Variants in TCF4 observed in about 807,000 individuals in gnomAD.
TCF4 encodes transcription factor 4.
TCF4 carries 3 observed loss-of-function variants against 82.1 expected under a neutral mutation model. The observed-to-expected ratio is 0.04, with a 90% CI of 0.02 to 0.09. The LOEUF (loss-of-function observed/expected upper bound fraction) is 0.09, where lower values mean the gene tolerates loss of function less well. Ranked by LOEUF, TCF4 falls within the 10% of genes least tolerant of loss-of-function variation. TCF4 has a pLI of 1.00. For synonymous variants in TCF4, 276 were observed against 309.6 expected (o/e 0.89, Z 1.14); for missense variants, 518 against 852.7 (o/e 0.61, Z 4.89).
At chr18:55,238,392 T>C (rs113809423) in intron 15 of TCF4, among the ~76,000 whole-genome samples, 1 of 152,214 alleles carries the variant, frequency 6.6e-6, no homozygotes, top group African/African-American at 2.4e-5. Context: ...AGAGAATGCA[T>C]TTACTAATTT....
chr18:55,391,953 A>ATATTTTT, intron 6 of TCF4, among the ~76,000 whole-genome samples: 2 of 107,006 alleles, frequency 1.9e-5, no homozygotes, highest in African/African-American at 8.1e-5. Flanking sequence ...AAAAAAAAAA[A>ATATTTTT]TCTTTTTTTT....
chr18:55,399,878 T>A (rs201541612), intron 6 of TCF4, among the ~76,000 whole-genome samples: 2,037 of 76,696 alleles, frequency 0.027, 30 homozygotes, highest in South Asian at 0.091. Context: ...TCTCTCTCTC[T>A]CTCACACACA....
chr18:55,555,277 T>C (rs1568387319), intron 3 of TCF4, among the ~76,000 whole-genome samples: 1 of 152,122 alleles, frequency 6.6e-6, no homozygotes, highest in East Asian at 1.9e-4. Context: ...ACAATGCGAA[T>C]ACTAAAAAGA....
intron 5 of TCF4, among the ~76,000 whole-genome samples, chr18:55,434,419 C>CTTTTTTTTTTTTTTTTT (rs765165999): frequency 8.5e-6 from 1 of 118,204 alleles, no homozygotes. Flanking sequence ...ACAGGACATT[C>CTTTTTTTTTTTTTTTTT]TTTTTTTTTT....
intron 2 of TCF4, among the ~76,000 whole-genome samples, chr18:55,610,270 T>TG (rs1283721772): frequency 6.6e-6 from 1 of 152,252 alleles, no homozygotes; most frequent in Admixed American, 6.5e-5. Context: ...CCTGGCCTAA[T>TG]GTTTTCATGC....
At chr18:55,621,932 C>G (rs965400992) in intron 2 of TCF4, among the ~76,000 whole-genome samples, 2 of 10,972 alleles carry the variant, frequency 1.8e-4, no homozygotes, top group Non-Finnish European at 3.0e-4. Context: ...ACACTATATA[C>G]TATATATACA....
chr18:55,505,700 G>GA (rs1236154249), intron 3 of TCF4, among the ~76,000 whole-genome samples: 1 of 150,730 alleles, frequency 6.6e-6, no homozygotes, highest in Non-Finnish European at 1.5e-5. Flanking sequence ...GCTACTTGGG[G>GA]GGCTGAGGCA....
Position 55,622,215 on chromosome 18 carries a change from A to G in TCF4, c.286+9083T>C, listed in dbSNP as rs1309019353. ...CTCTTCTTTTCTTTTATGTAGACTT[A>G]AGAGTAACTGTGGCCGGGAGTGGTG... On this transcript the variant is annotated intron_variant, in intron 2 of 20. Transcript: ENST00000398339. Among the ~76,000 whole-genome samples the G allele has an allele frequency of 2.0e-5, 3 of 150,844 alleles. No homozygotes were observed. In the Admixed American group the frequency reaches 2.0e-4, roughly 10 times the overall value.
At position 55,223,734 on chromosome 18, in the gene TCF4, T is replaced by C. The variant is rs957149072; in HGVS notation, c.*4301A>G. The C allele has an allele frequency of 6.6e-5, 10 of 151,842 alleles. No homozygotes were observed. Among genetic ancestry groups the C allele is most frequent in the Non-Finnish European group, 1.5e-4 (10 of 67,902 alleles). 9.4% of individuals were successfully genotyped at this position (151,842 alleles called of 1,614,324 possible). ...CTTTTTTTTTTTTTAACAATTTTTT[T>C]AAGTTTTTAATGCTGCAGCTATGTG... On this transcript the variant is annotated 3_prime_UTR_variant, in exon 20 of 20. Transcript: ENST00000354452.
chr18:55,595,508 A>G (rs2097689985), intron 2 of TCF4, among the ~76,000 whole-genome samples: 1 of 152,268 alleles, frequency 6.6e-6, no homozygotes, highest in Non-Finnish European at 1.5e-5. Context: ...AAGCAATTTT[A>G]GAAATCAAGT....
intron 5 of TCF4, among the ~76,000 whole-genome samples, chr18:55,420,627 T>C (rs2094701366): frequency 6.6e-6 from 1 of 152,104 alleles, no homozygotes; most frequent in South Asian, 2.1e-4. Flanking sequence ...ATCTGTGAAT[T>C]TGGTGGGAGG....
chr18:55,537,861 C>A (rs1419756821), intron 3 of TCF4, among the ~76,000 whole-genome samples: 1 of 152,072 alleles, frequency 6.6e-6, no homozygotes, highest in African/African-American at 2.4e-5. Flanking sequence ...CCCCTCCCAG[C>A]CTTCTATGGG....
At chr18:55,340,717 G>A (rs1352870812) in intron 8 of TCF4, among the ~76,000 whole-genome samples, 1 of 152,070 alleles carries the variant, frequency 6.6e-6, no homozygotes, top group Non-Finnish European at 1.5e-5. Flanking sequence ...CTCCTAAGTA[G>A]GCTGCCATGT....
At chr18:55,242,530 T>C (rs1446030309) in intron 15 of TCF4, among the ~76,000 whole-genome samples, 2 of 152,158 alleles carry the variant, frequency 1.3e-5, no homozygotes, top group African/African-American at 2.4e-5. Flanking sequence ...ACAAGCGCCT[T>C]ATGAAAGTGT....
At chr18:55,346,001 T>C (rs1387486737) in intron 8 of TCF4, among the ~76,000 whole-genome samples, 2 of 152,144 alleles carry the variant, frequency 1.3e-5, no homozygotes, top group African/African-American at 4.8e-5. Flanking sequence ...TTTAAATTGT[T>C]TGTGATTTCT....
chr18:55,300,126 CCCA>C (rs147398195), intron 8 of TCF4, among the ~76,000 whole-genome samples: 14 of 148,872 alleles, frequency 9.4e-5, no homozygotes, highest in Non-Finnish European at 1.5e-4. Flanking sequence ...ACACACACAC[CCCA>C]CATTAATCTC....
chr18:55,455,175 GTC>G (rs2095712732), intron 5 of TCF4, among the ~76,000 whole-genome samples: 1 of 89,912 alleles, frequency 1.1e-5, no homozygotes, highest in Non-Finnish European at 1.9e-5. Flanking sequence ...GAGAGACTCT[GTC>G]TCAAAAAAAA....
chr18:55,370,427 T>TGATA (rs10566649), intron 6 of TCF4, among the ~76,000 whole-genome samples: 45,246 of 144,860 alleles, frequency 0.31, 7,088 homozygotes, highest in Middle Eastern at 0.35. Context: ...GATAGACAGA[T>TGATA]GATAGATAGA....
At chr18:55,352,076 G>T in intron 6 of TCF4, 1 of 236,292 alleles carries the variant, frequency 4.2e-6, no homozygotes, top group Non-Finnish European at 6.9e-6. Context: ...ACTTAGGGAT[G>T]CTTCACTAAC....
Sources: allele counts gnomAD v4.1 joint callset (sites outside exome capture counted in the v4.1 genomes callset), GRCh38; gene constraint gnomAD v4.1.1; transcripts MANE v1.5; gene names NCBI Gene and HGNC (gene_info 2026-07-23, HGNC 2026-07-21).